Variants in SYT14 observed in about 807,000 individuals in gnomAD.
SYT14 encodes synaptotagmin 14.
A neutral mutation model predicts 74.2 loss-of-function variants in SYT14; 32 were observed. The observed-to-expected ratio is 0.43, with a 90% CI of 0.33 to 0.58. The LOEUF (loss-of-function observed/expected upper bound fraction) is 0.58. SYT14 is among the 20% of genes least tolerant of loss of function. The pLI, the probability that SYT14 is intolerant of heterozygous loss-of-function variation, is 0.05. For synonymous variants in SYT14, 298 were observed against 337.7 expected, an observed-to-expected ratio of 0.88 and a Z score of 1.29; for missense variants, 791 against 981.8, an observed-to-expected ratio of 0.81 and a Z score of 2.60.
At chr1:209,998,218 C>CAAAAT (rs1206339694) in intron 2 of SYT14, among the ~76,000 whole-genome samples, 1 of 151,386 alleles carries the variant, frequency 6.6e-6, no homozygotes, top group Non-Finnish European at 1.5e-5. Context: ...GTATGGAAAA[C>CAAAAT]AAAATAAAAT....
intron 7 of SYT14, among the ~76,000 whole-genome samples, chr1:210,105,903 C>T (rs2082149370): frequency 6.6e-6 from 1 of 152,168 alleles, no homozygotes; most frequent in South Asian, 2.1e-4. Flanking sequence ...TCCATTTTTG[C>T]CTTCTGCTGA....
At chr1:210,124,566 T>C (rs2082529904) in intron 7 of SYT14, among the ~76,000 whole-genome samples, 1 of 152,122 alleles carries the variant, frequency 6.6e-6, no homozygotes, top group African/African-American at 2.4e-5. Flanking sequence ...CCTGATGACA[T>C]AAAAATTAGA....
At chr1:210,163,204 T>G (rs1166300319) in exon 10 of SYT14, 1 of 453,234 alleles carries the variant, frequency 2.2e-6, no homozygotes, top group Non-Finnish European at 4.4e-6. Context: ...TAAGACCAGC[T>G]TGGTGCTTTC....
chr1:210,075,219 G>C (rs1231367121), intron 5 of SYT14, among the ~76,000 whole-genome samples: 1 of 152,138 alleles, frequency 6.6e-6, no homozygotes, highest in Non-Finnish European at 1.5e-5. Flanking sequence ...CTCTTCTGCT[G>C]GTCTTCCGCT....
At chr1:210,116,917 A>C (rs2082373143) in intron 7 of SYT14, among the ~76,000 whole-genome samples, 1 of 152,208 alleles carries the variant, frequency 6.6e-6, no homozygotes, top group African/African-American at 2.4e-5. Context: ...ATTTCTTGAG[A>C]GGTGTCAGTA....
At chr1:209,943,190 G>A (rs1342118701) in intron 1 of SYT14, among the ~76,000 whole-genome samples, 1 of 152,128 alleles carries the variant, frequency 6.6e-6, no homozygotes, top group South Asian at 2.1e-4. Context: ...AACACTTAGC[G>A]AACATTAGAG....
intron 2 of SYT14, among the ~76,000 whole-genome samples, chr1:210,006,429 A>G (rs2079989467): frequency 6.6e-6 from 1 of 151,990 alleles, no homozygotes; most frequent in African/African-American, 2.4e-5. Flanking sequence ...AAAATAAATT[A>G]TAGCATTTTT....
intron 5 of SYT14, among the ~76,000 whole-genome samples, chr1:210,039,066 A>G (rs569585719): frequency 6.6e-6 from 1 of 152,192 alleles, no homozygotes; most frequent in South Asian, 2.1e-4. Context: ...GGTGTTTTAC[A>G]TAACTTGATA....
chr1:209,972,463 T>G (rs1382203136), intron 2 of SYT14, among the ~76,000 whole-genome samples: 1 of 151,978 alleles, frequency 6.6e-6, no homozygotes, highest in Non-Finnish European at 1.5e-5. Flanking sequence ...TGAAGATTTT[T>G]TCTATTTAGG....
intron 5 of SYT14, among the ~76,000 whole-genome samples, chr1:210,062,999 G>T (rs1176068267): frequency 7.0e-6 from 1 of 142,222 alleles, no homozygotes; most frequent in Non-Finnish European, 1.5e-5. Flanking sequence ...ATTAGCCTTT[G>T]TTGCATGTAA....
intron 5 of SYT14, among the ~76,000 whole-genome samples, chr1:210,056,118 A>AC (rs1298013111): frequency 6.6e-6 from 1 of 152,202 alleles, no homozygotes; most frequent in East Asian, 1.9e-4. Flanking sequence ...TGTGAAACTT[A>AC]CCTTTATAAG....
At chr1:209,953,086 A>C (rs1261825285) in intron 2 of SYT14, 1 of 1,321,576 alleles carries the variant, frequency 7.6e-7, no homozygotes, top group Admixed American at 2.2e-5. Context: ...CTGATCTCCC[A>C]TTGACTTCTG....
exon 10 of SYT14, chr1:210,164,503 A>G (rs1337196785): frequency 1.3e-5 from 2 of 158,198 alleles, no homozygotes; most frequent in Admixed American, 6.1e-5. Context: ...AATAGGAGAA[A>G]GAGGTAAAAG....
intron 5 of SYT14, among the ~76,000 whole-genome samples, chr1:210,027,613 T>A (rs1472440879): frequency 6.6e-6 from 1 of 152,162 alleles, no homozygotes; most frequent in African/African-American, 2.4e-5. Flanking sequence ...TTCAAACTCC[T>A]GTTGTTCAAG....
intron 2 of SYT14, among the ~76,000 whole-genome samples, chr1:209,992,730 G>A (rs928525244): frequency 2.0e-5 from 3 of 152,030 alleles, no homozygotes; most frequent in African/African-American, 4.8e-5. Flanking sequence ...AAAACTGAAG[G>A]GGGGACAAGA....
chr1:209,944,402 T>C (rs1420290924), intron 1 of SYT14, among the ~76,000 whole-genome samples: 1 of 152,186 alleles, frequency 6.6e-6, no homozygotes, highest in Admixed American at 6.5e-5. Flanking sequence ...TAAGATAAAA[T>C]TTATACCTCT....
exon 4 of SYT14, chr1:210,017,073 A>C (rs894562767): frequency 1.6e-6 from 2 of 1,231,634 alleles, no homozygotes; most frequent in Admixed American, 4.2e-5. Flanking sequence ...AAAGATGAAA[A>C]ATATTCTAAG....
At chr1:210,052,184 A>G (rs1192501942) in intron 5 of SYT14, among the ~76,000 whole-genome samples, 4 of 151,586 alleles carry the variant, frequency 2.6e-5, no homozygotes, top group African/African-American at 9.7e-5. Context: ...TGGCTGTTTG[A>G]GTTTTTTCCC....
In SYT14 at chr1:209,959,736, A is replaced by G. The variant is rs916012553; in HGVS notation, c.-486+6980A>G. ...GTGTAGAATAGACAAATCTATAGAG[A>G]CAGAACATAGATTAGTAGTTGCCAG... is the stretch of plus-strand genomic sequence containing the variant. On this transcript the variant is annotated intron_variant, in intron 2 of 9. Coordinates refer to ENST00000637265, the Ensembl canonical transcript of SYT14. Among the ~76,000 whole-genome samples the G allele has an allele frequency of 7.2e-5, 11 of 152,192 alleles. 1 individual carries two copies. Among genetic ancestry groups the G allele is most frequent in the Admixed American group, 4.6e-4 (7 of 15,284 alleles).
Sources: gnomAD v4.1 joint callset for allele counts (sites outside exome capture counted in the v4.1 genomes callset) on GRCh38, gnomAD v4.1.1 for gene constraint, MANE v1.5 for transcripts, NCBI Gene and HGNC (gene_info 2026-07-23, HGNC 2026-07-21) for gene names.